The following ANK2 variants were observed in gnomAD, a reference collection of about 807,000 sequenced individuals.
ANK2 encodes the protein ankyrin-2.
A neutral mutation model predicts 360.5 loss-of-function variants in ANK2; 83 were observed. The observed-to-expected ratio is 0.23, with a 90% CI of 0.19 to 0.28. ANK2 has a LOEUF of 0.28. Among genes scored for constraint, ANK2 ranks in the 10% least tolerant of loss-of-function variants. The probability of loss-of-function intolerance (pLI) is 1.00; values close to 1 mark genes in which losing one functional copy is unlikely to be tolerated. For missense variants in ANK2, 4,201 were observed against 4,795.7 expected, an observed-to-expected ratio of 0.88 and a Z score of 3.66; for synonymous variants, 1,740 against 1,759.5, an observed-to-expected ratio of 0.99 and a Z score of 0.28.
intron 37 of ANK2, chr4:113,350,902 T>C (rs1456747230): frequency 6.6e-6 from 1 of 151,828 alleles, no homozygotes; most frequent in African/African-American, 2.4e-5. Context: ...CTGGATAAAA[T>C]TACTAATCAC....
intron 24 of ANK2, chr4:113,313,783 CG>C (rs1227864115): frequency 1.1e-3 from 8 of 7,204 alleles, no homozygotes; most frequent in African/African-American, 3.7e-3. Context: ...TGTGTGTTGC[CG>C]GGGCGGGGGG....
chr4:112,915,159 T>A (rs1364794484), intron 2 of ANK2, among the ~76,000 whole-genome samples: 1 of 152,180 alleles, frequency 6.6e-6, no homozygotes, highest in African/African-American at 2.4e-5. Flanking sequence ...TTCATGCCTT[T>A]CCTAGTTGTT....
chr4:113,011,851 C>G (rs2054839912), intron 2 of ANK2, among the ~76,000 whole-genome samples: 1 of 151,956 alleles, frequency 6.6e-6, no homozygotes, highest in Non-Finnish European at 1.5e-5. Context: ...CCTTCACATT[C>G]AATTGTTATG....
intron 40 of ANK2, among the ~76,000 whole-genome samples, chr4:113,364,818 A>G (rs941401988): frequency 6.6e-6 from 1 of 152,214 alleles, no homozygotes; most frequent in African/African-American, 2.4e-5. Context: ...GGTGTCCTGT[A>G]TGTTATCTGA....
chr4:112,711,893 A>G, the ANK2 span, among the ~76,000 whole-genome samples: 9 of 150,578 alleles, frequency 6.0e-5, no homozygotes, highest in Admixed American at 3.3e-4. Context: ...GAAAAGCACA[A>G]CAAACAAATG....
chr4:113,300,918 A>T (rs1366773560), intron 22 of ANK2, among the ~76,000 whole-genome samples: 1 of 152,226 alleles, frequency 6.6e-6, no homozygotes. Flanking sequence ...GATCACACAG[A>T]TCTTATATAT....
At chr4:112,907,931 A>T (rs1407849100) in intron 2 of ANK2, among the ~76,000 whole-genome samples, 4 of 152,198 alleles carry the variant, frequency 2.6e-5, no homozygotes, top group Admixed American at 1.3e-4. Flanking sequence ...TTATCCTCAA[A>T]GGATAGACAT....
chr4:113,227,874 A>G (rs2153517933), intron 4 of ANK2, among the ~76,000 whole-genome samples: 1 of 152,350 alleles, frequency 6.6e-6, no homozygotes, highest in South Asian at 2.1e-4. Context: ...CTGAGGCACT[A>G]TTAATAATTA....
At chr4:113,188,127 T>C (rs924021974) in intron 2 of ANK2, among the ~76,000 whole-genome samples, 1 of 152,168 alleles carries the variant, frequency 6.6e-6, no homozygotes, top group Admixed American at 6.6e-5. Context: ...ATGGCTCTGA[T>C]GGTTATATTT....
intron 2 of ANK2, among the ~76,000 whole-genome samples, chr4:112,960,107 G>C (rs892744719): frequency 2.0e-5 from 3 of 152,260 alleles, no homozygotes; most frequent in South Asian, 2.1e-4. Flanking sequence ...GTGTATTCAA[G>C]CCAAACAACT....
chr4:113,207,686 C>CAAAAAAAAAAAAAAAAAAAAAAAAAG (rs34818513), intron 4 of ANK2, among the ~76,000 whole-genome samples: 1 of 101,654 alleles, frequency 9.8e-6, no homozygotes, highest in Non-Finnish European at 2.0e-5. Context: ...GATCACAAAG[C>CAAAAAAAAAAAAAAAAAAAAAAAAAG]AAAAAAAAAA....
chr4:112,870,045 C>G (rs151254118), intron 1 of ANK2, among the ~76,000 whole-genome samples: 4,329 of 152,102 alleles, frequency 0.028, 80 homozygotes, highest in Middle Eastern at 0.041. Flanking sequence ...GTCACCCAGG[C>G]TGGAGTGCAG....
chr4:113,376,232 C>T (rs1302818571), intron 45 of ANK2, among the ~76,000 whole-genome samples: 1 of 152,172 alleles, frequency 6.6e-6, no homozygotes, highest in African/African-American at 2.4e-5. Flanking sequence ...GTATAGCCTA[C>T]TATACTTCTA....
chr4:112,969,430 C>T (rs1006359510), intron 2 of ANK2, among the ~76,000 whole-genome samples: 3 of 152,174 alleles, frequency 2.0e-5, no homozygotes, highest in African/African-American at 7.2e-5. Context: ...TTCCGCCTTC[C>T]TCTCTGATTT....
At chr4:113,021,539 A>ACAC (rs34948422) in intron 2 of ANK2, among the ~76,000 whole-genome samples, 1,242 of 108,634 alleles carry the variant, frequency 0.011, 69 homozygotes, top group African/African-American at 0.041. Flanking sequence ...CCCACACACA[A>ACAC]ACATATATAT....
chr4:112,885,728 C>A (rs1462875373), intron 1 of ANK2, among the ~76,000 whole-genome samples: 1 of 127,178 alleles, frequency 7.9e-6, no homozygotes, highest in Non-Finnish European at 1.5e-5. Flanking sequence ...ACCTGGGAGA[C>A]AGAGCTTGCA....
the ANK2 span, among the ~76,000 whole-genome samples, chr4:112,771,257 C>T: frequency 0.018 from 2,717 of 152,182 alleles, 94 homozygotes; most frequent in African/African-American, 0.059. Flanking sequence ...GGATTACAGG[C>T]ATGCGCCACC....
At chr4:113,214,512 ATTAAT>A (rs2099064215) in intron 4 of ANK2, 1 of 598,558 alleles carries the variant, frequency 1.7e-6, no homozygotes, top group African/African-American at 1.8e-5. Flanking sequence ...TATTACATTC[ATTAAT>A]TTATTAAGAG....
At chr4:113,210,665 G>A (rs1354520907) in intron 4 of ANK2, among the ~76,000 whole-genome samples, 1 of 152,164 alleles carries the variant, frequency 6.6e-6, no homozygotes, top group Non-Finnish European at 1.5e-5. Context: ...AATAATTACA[G>A]TACATAAAAT....
Sources: allele counts gnomAD v4.1 joint callset (sites outside exome capture counted in the v4.1 genomes callset), GRCh38; gene constraint gnomAD v4.1.1; transcripts MANE v1.5; gene names NCBI Gene and HGNC (gene_info 2026-07-23, HGNC 2026-07-21).